PARD3B: variants seen among roughly 807,000 people sequenced by gnomAD.
PARD3B encodes the protein par-3 family cell polarity regulator beta.
In PARD3B, 103 loss-of-function variants were observed where a neutral mutation model predicts 130.2. That is an observed-to-expected ratio of 0.79 (90% confidence interval 0.67 to 0.93). PARD3B has a LOEUF of 0.93. Among genes scored for constraint, PARD3B ranks in the 40% least tolerant of loss-of-function variants. PARD3B has a pLI of 0.00. For synonymous variants in PARD3B, 583 were observed against 553.2 expected (o/e 1.05, Z -0.76); for missense variants, 1,609 against 1,499.2 (o/e 1.07, Z -1.21).
At chr2:204,690,637 T>G (rs2037312765) in intron 2 of PARD3B, among the ~76,000 whole-genome samples, 1 of 152,128 alleles carries the variant, frequency 6.6e-6, no homozygotes, top group Non-Finnish European at 1.5e-5. Flanking sequence ...GAGAACACAG[T>G]CCTGCTGATA....
chr2:204,809,025 A>T (rs1013988764), intron 2 of PARD3B, among the ~76,000 whole-genome samples: 1 of 151,968 alleles, frequency 6.6e-6, no homozygotes, highest in Admixed American at 6.6e-5. Context: ...TTCTCTAATG[A>T]TGAGTGATGA....
intron 1 of PARD3B, among the ~76,000 whole-genome samples, chr2:204,652,659 G>A (rs2035517924): frequency 6.6e-6 from 1 of 152,134 alleles, no homozygotes; most frequent in African/African-American, 2.4e-5. Flanking sequence ...TTGTAGCAGT[G>A]CTCCACTAAT....
intron 2 of PARD3B, among the ~76,000 whole-genome samples, chr2:204,700,010 G>A (rs2037816625): frequency 6.6e-6 from 1 of 151,968 alleles, no homozygotes; most frequent in Admixed American, 6.6e-5. Flanking sequence ...GAAAGTCTAG[G>A]TTGAAAACTT....
At chr2:204,636,802 GT>G (rs1160512897) in intron 1 of PARD3B, among the ~76,000 whole-genome samples, 9 of 151,962 alleles carry the variant, frequency 5.9e-5, no homozygotes, top group Non-Finnish European at 1.3e-4. Context: ...ACCCTGTACT[GT>G]TTTACAACTG....
chr2:204,656,518 C>A (rs1287256684), intron 1 of PARD3B, among the ~76,000 whole-genome samples: 3 of 152,060 alleles, frequency 2.0e-5, no homozygotes, highest in Admixed American at 2.0e-4. Context: ...CTATTTTAGG[C>A]CAATTCCTTA....
intron 2 of PARD3B, among the ~76,000 whole-genome samples, chr2:204,761,905 T>A (rs1274777346): frequency 6.6e-6 from 1 of 152,042 alleles, no homozygotes; most frequent in Admixed American, 6.6e-5. Flanking sequence ...TATGTTGCCC[T>A]AGTGTCATGA....
At chr2:204,599,087 G>C (rs1160162000) in intron 1 of PARD3B, among the ~76,000 whole-genome samples, 1 of 148,360 alleles carries the variant, frequency 6.7e-6, no homozygotes, top group Non-Finnish European at 1.5e-5. Flanking sequence ...TTTTCTTTTT[G>C]CAAGAACCCT....
At chr2:205,312,126 C>T (rs1420015159) in intron 18 of PARD3B, among the ~76,000 whole-genome samples, 2 of 152,194 alleles carry the variant, frequency 1.3e-5, no homozygotes, top group African/African-American at 4.8e-5. Context: ...TTACAGGTCT[C>T]ATGTACAATA....
At chr2:204,990,288 T>A (rs1693544992) in intron 3 of PARD3B, among the ~76,000 whole-genome samples, 1 of 152,018 alleles carries the variant, frequency 6.6e-6, no homozygotes. Context: ...ATAATAATTG[T>A]ACGTATTTTT....
chr2:204,638,689 A>T (rs567940523), intron 1 of PARD3B, among the ~76,000 whole-genome samples: 1 of 151,980 alleles, frequency 6.6e-6, no homozygotes, highest in South Asian at 2.1e-4. Flanking sequence ...TTTTGGGGGG[A>T]GGAGGGGGAC....
At chr2:204,727,535 G>T (rs2039290827) in intron 2 of PARD3B, among the ~76,000 whole-genome samples, 1 of 152,158 alleles carries the variant, frequency 6.6e-6, no homozygotes, top group South Asian at 2.1e-4. Flanking sequence ...TTGGAAGGAA[G>T]ACTTTTATTT....
In PARD3B at chr2:205,287,709, T is replaced by G. The variant is rs1405201752; in HGVS notation, c.2186-12821T>G. Among the ~76,000 whole-genome samples, 1 of 152,060 alleles carries G rather than the reference T, an allele frequency of 6.6e-6. No individual in the cohort carries two copies. The highest frequency in any genetic ancestry group is 1.5e-5 in the Non-Finnish European group (1 of 68,006). ...TAGGAAAAAGAATGGATGTCAGCACTCGGGGGAGAAAAGAGAGACAGTTTA... is the reference window on the plus strand; with the variant it reads ...TAGGAAAAAGAATGGATGTCAGCACGCGGGGGAGAAAAGAGAGACAGTTTA... On this transcript the variant is annotated intron_variant, in intron 16 of 22. Coordinates refer to ENST00000406610, the MANE Select transcript of PARD3B (RefSeq NM_001302769.2). The surrounding 1 kb of genome is among the most constrained non-coding windows in gnomAD (Gnocchi z 4.8).
chr2:204,692,582 A>G (rs2037405590), intron 2 of PARD3B, among the ~76,000 whole-genome samples: 1 of 151,946 alleles, frequency 6.6e-6, no homozygotes, highest in African/African-American at 2.4e-5. Flanking sequence ...AAGCTAAAGT[A>G]CCTATTTTAA....
At chr2:205,457,001 A>G (rs758033920) in intron 20 of PARD3B, among the ~76,000 whole-genome samples, 34 of 151,570 alleles carry the variant, frequency 2.2e-4, no homozygotes, top group Non-Finnish European at 4.6e-4. Context: ...TGCTGTCTTC[A>G]TTGAATGTGT....
intron 15 of PARD3B, among the ~76,000 whole-genome samples, chr2:205,194,965 T>G (rs79897890): frequency 0.088 from 13,013 of 147,272 alleles, 764 homozygotes; most frequent in East Asian, 0.27. Context: ...TTTTTTTTTT[T>G]TTTTTGTATT....
chr2:204,909,183 T>G (rs2047143391), intron 2 of PARD3B, among the ~76,000 whole-genome samples: 1 of 152,120 alleles, frequency 6.6e-6, no homozygotes, highest in African/African-American at 2.4e-5. Context: ...AGATATTAAA[T>G]TTGTACAAAT....
intron 2 of PARD3B, among the ~76,000 whole-genome samples, chr2:204,873,832 A>T (rs1039700419): frequency 1.3e-5 from 2 of 152,086 alleles, no homozygotes; most frequent in Non-Finnish European, 2.9e-5. Context: ...GTAAACAAGA[A>T]GGGCAGATAG....
intron 2 of PARD3B, among the ~76,000 whole-genome samples, chr2:204,835,658 T>C (rs1378788498): frequency 6.6e-6 from 1 of 152,222 alleles, no homozygotes; most frequent in Non-Finnish European, 1.5e-5. Flanking sequence ...TAAAATGGTT[T>C]GACTTGAGAT....
chr2:205,249,880 C>G (rs1256395655), intron 16 of PARD3B, among the ~76,000 whole-genome samples: 1 of 151,560 alleles, frequency 6.6e-6, no homozygotes, highest in Non-Finnish European at 1.5e-5. Context: ...CGTCTTTAAC[C>G]TCTTTCCTTG....
Sources: allele counts gnomAD v4.1 joint callset (sites outside exome capture counted in the v4.1 genomes callset), GRCh38; gene constraint gnomAD v4.1.1; non-coding constraint Gnocchi (gnomAD v3.1); transcripts MANE v1.5; gene names NCBI Gene and HGNC (gene_info 2026-07-23, HGNC 2026-07-21).